ZC3H3: variants seen among roughly 807,000 people sequenced by gnomAD.
The protein encoded by ZC3H3 is zinc finger CCCH domain-containing protein 3.
Under a neutral mutation model 77.3 loss-of-function variants are expected in ZC3H3, and 36 were observed. The observed-to-expected ratio is 0.47, with a 90% CI of 0.36 to 0.61. The LOEUF is 0.61. Ranked by LOEUF, ZC3H3 falls within the 20% of genes least tolerant of loss-of-function variation. The pLI, the probability that ZC3H3 is intolerant of heterozygous loss-of-function variation, is 0.00. For synonymous variants in ZC3H3, 626 were observed against 555.2 expected (o/e 1.13, Z -1.79); for missense variants, 1,331 against 1,312.2 (o/e 1.01, Z -0.22).
chr8:143,518,006 A>T (rs1231759868), intron 3 of ZC3H3, among the ~76,000 whole-genome samples: 1 of 151,944 alleles, frequency 6.6e-6, no homozygotes, highest in Admixed American at 6.5e-5. Context: ...ACCACGTCTC[A>T]GGGTACAGGA....
At chr8:143,467,075 T>C (rs1308119648) in intron 8 of ZC3H3, among the ~76,000 whole-genome samples, 1 of 152,106 alleles carries the variant, frequency 6.6e-6, no homozygotes, top group Admixed American at 6.6e-5. Flanking sequence ...TTATTTCTAA[T>C]TGTCTTTTAA....
Position 143,527,813 on chromosome 8 carries a change from TCA to T in ZC3H3, c.1561+8442_1561+8443del, listed in dbSNP as rs541993668. ...CCAGCAGCACAGCCCAGCAGGAACATCACACCGGGCCAAAGCACCCAAAGGCA... is the reference window on the plus strand; with the variant it reads ...CCAGCAGCACAGCCCAGCAGGAACATCACCGGGCCAAAGCACCCAAAGGCA... On this transcript the variant is annotated intron_variant, in intron 3 of 11. Coordinates refer to ENST00000262577, the MANE Select transcript of ZC3H3 (RefSeq NM_015117.3). Among the ~76,000 whole-genome samples the T allele has an allele frequency of 2.7e-3, 403 of 151,984 alleles. 5 individuals carry two copies. The highest frequency in any genetic ancestry group is 9.3e-3 in the African/African-American group (384 of 41,472).
At position 143,494,965 on chromosome 8, in the gene ZC3H3, G is replaced by C. The variant is rs1821306686; in HGVS notation, c.1715+12781C>G. Among the ~76,000 whole-genome samples, 1 of 152,190 alleles carries C rather than the reference G, an allele frequency of 6.6e-6. No individual in the cohort carries two copies. Among genetic ancestry groups the C allele is most frequent in the South Asian group, 2.1e-4 (1 of 4,832 alleles). ...AGTGAGAGGCCACACACGTGAGAAT[G>C]CAGATTAGAAAGGCGGTAACACCAC... On this transcript the variant is annotated intron_variant, in intron 4 of 11. Coordinates refer to ENST00000262577, the MANE Select transcript of ZC3H3 (RefSeq NM_015117.3). This position sits in a 1 kb window ranked among gnomAD's most constrained non-coding sequence, Gnocchi z 5.3.
At chr8:143,470,657 C>T (rs1046895357) in intron 5 of ZC3H3, among the ~76,000 whole-genome samples, 16 of 152,232 alleles carry the variant, frequency 1.1e-4, no homozygotes, top group Non-Finnish European at 1.2e-4. Context: ...ATCACGTGCC[C>T]GCCTGGCAGG....
intron 3 of ZC3H3, among the ~76,000 whole-genome samples, chr8:143,513,570 T>C (rs1302358020): frequency 6.6e-6 from 1 of 152,212 alleles, no homozygotes; most frequent in Admixed American, 6.5e-5. Flanking sequence ...ATGTGGCCCA[T>C]GTTCCCGAGA....
intron 4 of ZC3H3, among the ~76,000 whole-genome samples, chr8:143,498,121 G>T (rs1184729986): frequency 6.6e-6 from 1 of 152,212 alleles, no homozygotes; most frequent in East Asian, 1.9e-4. Context: ...GGGGCCCGGG[G>T]CAGGGGCTGT....
chr8:143,474,574 C>T (rs1820672571), intron 5 of ZC3H3, among the ~76,000 whole-genome samples: 1 of 152,214 alleles, frequency 6.6e-6, no homozygotes, highest in South Asian at 2.1e-4. Context: ...AGGTACGCTT[C>T]CTGCCTCTCC....
intron 3 of ZC3H3, among the ~76,000 whole-genome samples, chr8:143,524,037 A>T (rs1255452870): frequency 6.6e-6 from 1 of 152,232 alleles, no homozygotes; most frequent in Non-Finnish European, 1.5e-5. Context: ...CTGGAACAGA[A>T]GTCCGTGTTC....
chr8:143,481,358 C>T (rs60625971), intron 4 of ZC3H3, among the ~76,000 whole-genome samples: 24,532 of 152,204 alleles, frequency 0.16, 2,082 homozygotes, highest in Middle Eastern at 0.27. Flanking sequence ...TCCCCGCCAC[C>T]GAAGTTCCCA....
intron 1 of ZC3H3, 137 bp downstream of exon 1, chr8:143,541,239 G>A: frequency 6.7e-7 from 1 of 1,489,712 alleles, no homozygotes; most frequent in African/African-American, 1.4e-5. Flanking sequence ...AGTCCTGGCG[G>A]ACCCTACCGT....
intron 3 of ZC3H3, among the ~76,000 whole-genome samples, chr8:143,515,115 T>C (rs1314435351): frequency 6.6e-6 from 1 of 151,998 alleles, no homozygotes; most frequent in Admixed American, 6.5e-5. Context: ...AACATGAGGG[T>C]CAGTCCCTGG....
chr8:143,465,623 G>C (rs2129866903), intron 9 of ZC3H3, 94 bp downstream of exon 9: 2 of 1,552,078 alleles, frequency 1.3e-6, no homozygotes, highest in Admixed American at 1.8e-5. Context: ...GCTGCAGATG[G>C]GTCATCCAGC....
At chr8:143,470,848 T>C (rs1820543282) in intron 5 of ZC3H3, among the ~76,000 whole-genome samples, 1 of 152,158 alleles carries the variant, frequency 6.6e-6, no homozygotes, top group South Asian at 2.1e-4. Context: ...GCCTGAGAAG[T>C]GCTAAAAAGT....
chr8:143,486,245 G>A (rs1027117097), intron 4 of ZC3H3, among the ~76,000 whole-genome samples: 54 of 152,370 alleles, frequency 3.5e-4, no homozygotes, highest in Middle Eastern at 3.4e-3. Flanking sequence ...GCAATGTAGC[G>A]GAGTGAGAAA....
chr8:143,536,349 A>C lies in ZC3H3; in HGVS notation c.1469T>G (p.Leu490Arg). ...QALRGKSSPV[L>R]KKTPNKGLVQ... is the part of the protein sequence containing the mutation. ...CAGGCCCTTGTTGGGGGTCTTCTTCAGGACAGGGCTGCTCTTCCCCCTGAG... is the reference window on the plus strand; with the variant it reads ...CAGGCCCTTGTTGGGGGTCTTCTTCCGGACAGGGCTGCTCTTCCCCCTGAG... Residue 490 changes from leucine (L) to arginine (R), a missense_variant, in exon 3 of 12, where the codon CTG becomes CGG. Around this residue, in one of 3 missense-constraint regions of ZC3H3, gnomAD observed 978 missense variants for 915.5 expected, o/e 1.07. Transcript: ENST00000262577. 1.4e-5 allele frequency: 22 copies of C among 1,608,192 alleles called. No homozygotes were observed. The highest frequency in any genetic ancestry group is 1.8e-5 in the Non-Finnish European group (21 of 1,177,718).
Position 143,468,525 on chromosome 8 carries a change from G to A in ZC3H3, c.1962C>T (p.Arg654=). ...SRSLASRAVQ[R]SLAIIRQARQ... ...GCGCCTGCCGGATGATGGCCAGGCTGCGCTGCACTGCCCGGCTGCAGACGG... is the reference window on the plus strand; with the variant it reads ...GCGCCTGCCGGATGATGGCCAGGCTACGCTGCACTGCCCGGCTGCAGACGG... The change falls in exon 7 of 12, where the codon CGC becomes CGT. Residue 654 remains arginine, a synonymous_variant. Transcript: ENST00000262577. The A allele has an allele frequency of 6.2e-7, 1 of 1,608,414 alleles. No homozygotes were observed.
At chr8:143,464,768 G>T (rs1820362857) in intron 9 of ZC3H3, among the ~76,000 whole-genome samples, 1 of 152,164 alleles carries the variant, frequency 6.6e-6, no homozygotes, top group Non-Finnish European at 1.5e-5. Flanking sequence ...AGGCCCCGGG[G>T]CTCCCTCCCA....
Position 143,441,131 on chromosome 8 carries a change from A to C in ZC3H3, c.2308-11T>G. ...GTGTTTCTTCTTGCACTGCAGAGAG[A>C]AGGGGTGCAGGTGGGTGGGCCGGCT... On this transcript the variant is annotated splice_polypyrimidine_tract_variant and intron_variant, in intron 9 of 11. Coordinates refer to ENST00000262577, the MANE Select transcript of ZC3H3 (RefSeq NM_015117.3). 2 of 1,406,162 alleles carry C rather than the reference A, an allele frequency of 1.4e-6. No homozygotes were observed. Among genetic ancestry groups the C allele is most frequent in the South Asian group, 1.6e-5 (1 of 63,684 alleles). 87.1% of individuals were successfully genotyped at this position (1,406,162 alleles called of 1,614,324 possible). A position where few individuals can be genotyped will look rare whatever the true frequency, so the allele number is the denominator to read the frequency against.
chr8:143,476,975 T>G (rs1820752258), intron 4 of ZC3H3, among the ~76,000 whole-genome samples: 1 of 152,136 alleles, frequency 6.6e-6, no homozygotes, highest in Non-Finnish European at 1.5e-5. Flanking sequence ...TCTGGCTGGA[T>G]GGGGCAGGTA....
Sources: gnomAD v4.1 joint callset for allele counts (sites outside exome capture counted in the v4.1 genomes callset) on GRCh38, gnomAD v4.1.1 for gene constraint, gnomAD v4.1.1 regional missense constraint, Gnocchi (gnomAD v3.1) non-coding constraint, MANE v1.5 for transcripts, NCBI Gene and HGNC (gene_info 2026-07-23, HGNC 2026-07-21) for gene names.